JMY: variants seen among roughly 807,000 people sequenced by gnomAD.
JMY encodes the protein junction mediating and regulatory protein, p53 cofactor.
JMY carries 46 observed loss-of-function variants against 103.3 expected under a neutral mutation model. The ratio of observed to expected loss-of-function variants is 0.45; its 90% CI spans 0.35 to 0.57. JMY has a LOEUF of 0.57. Ranked by LOEUF, JMY falls within the 20% of genes least tolerant of loss-of-function variation. The pLI is 0.00. For missense variants in JMY, 1,238 were observed against 1,255.2 expected (o/e 0.99, Z 0.21); for synonymous variants, 526 against 489.3 (o/e 1.07, Z -0.99).
At chr5:79,305,872 A>G (rs1258926907) in intron 6 of JMY, among the ~76,000 whole-genome samples, 13 of 152,150 alleles carry the variant, frequency 8.5e-5, no homozygotes, top group Admixed American at 3.3e-4. Flanking sequence ...AAATACTTTC[A>G]TATTCTTTTT....
At chr5:79,280,501 G>T (rs927589216) in intron 2 of JMY, among the ~76,000 whole-genome samples, 2 of 152,098 alleles carry the variant, frequency 1.3e-5, no homozygotes, top group African/African-American at 4.8e-5. Context: ...AGTAAAAATG[G>T]TATTTCACTG....
At chr5:79,308,319 A>G (rs1209059497) in intron 7 of JMY, among the ~76,000 whole-genome samples, 2 of 152,058 alleles carry the variant, frequency 1.3e-5, no homozygotes, top group Non-Finnish European at 2.9e-5. Flanking sequence ...ATTTGCTCCT[A>G]TGTTATCTTT....
intron 1 of JMY, among the ~76,000 whole-genome samples, chr5:79,275,213 T>C (rs1233147402): frequency 6.7e-6 from 1 of 148,192 alleles, no homozygotes; most frequent in Admixed American, 7.0e-5. Flanking sequence ...CAGGCTGGAG[T>C]GCAGTGGCGC....
intron 2 of JMY, chr5:79,284,481 T>G (rs1039860115): frequency 1.9e-6 from 3 of 1,587,768 alleles, no homozygotes; most frequent in Admixed American, 3.3e-5. Context: ...TGTATCTGAT[T>G]GTTGCGTTTT....
At chr5:79,253,790 A>T (rs376402447) in intron 1 of JMY, among the ~76,000 whole-genome samples, 1 of 152,062 alleles carries the variant, frequency 6.6e-6, no homozygotes. Context: ...CAGTGCCCCC[A>T]TCTCAACCTC....
At chr5:79,296,093 A>G (rs1746555240) in intron 4 of JMY, among the ~76,000 whole-genome samples, 1 of 151,990 alleles carries the variant, frequency 6.6e-6, no homozygotes, top group Non-Finnish European at 1.5e-5. Flanking sequence ...GGGTTTTTTT[A>G]GATTTTAGAA....
chr5:79,296,954 G>A (rs538859755), intron 4 of JMY, among the ~76,000 whole-genome samples: 10 of 152,224 alleles, frequency 6.6e-5, no homozygotes, highest in Non-Finnish European at 1.5e-4. Context: ...TGTGGAGTCA[G>A]CAGGGTATGT....
rs554698660 is a variant in JMY, at chr5:79,284,060, T to A, written c.1206+5977T>A. The stretch of plus-strand genomic sequence containing the variant: ...AAGGTACAAATTACTTTCTTTTTTT[T>A]ATTTTTTTATTTTATTTTTATTTTT... On this transcript the variant is annotated intron_variant, in intron 2 of 10. Transcript: ENST00000396137. 1.9e-5 allele frequency: 19 copies of A among 1,020,770 alleles called. No individual in the cohort carries two copies. The East Asian group carries it at 2.5e-4, about 14-fold the overall frequency. The allele number at this position is 1,020,770 out of a possible 1,614,324, so 63.2% of individuals were successfully genotyped here. A position where few individuals can be genotyped will look rare whatever the true frequency, so the allele number is the denominator to read the frequency against.
At chr5:79,247,946 G>A (rs865838982) in intron 1 of JMY, among the ~76,000 whole-genome samples, 8 of 150,884 alleles carry the variant, frequency 5.3e-5, no homozygotes, top group South Asian at 2.1e-4. Flanking sequence ...AGGCTGGAGT[G>A]CAGTGGCAGA....
intron 2 of JMY, among the ~76,000 whole-genome samples, chr5:79,285,493 A>G (rs923569707): frequency 6.6e-6 from 1 of 151,964 alleles, no homozygotes; most frequent in African/African-American, 2.4e-5. Flanking sequence ...TAGTGCCACC[A>G]TTATACATTA....
At chr5:79,253,384 C>T (rs1745146980) in intron 1 of JMY, among the ~76,000 whole-genome samples, 1 of 152,040 alleles carries the variant, frequency 6.6e-6, no homozygotes, top group South Asian at 2.1e-4. Context: ...CCTCCGCCTC[C>T]TGGGTTCAAG....
At chr5:79,302,943 A>T (rs114157223) in intron 6 of JMY, among the ~76,000 whole-genome samples, 4,935 of 152,236 alleles carry the variant, frequency 0.032, 265 homozygotes, top group African/African-American at 0.11. Flanking sequence ...AAAAGTTAGT[A>T]GGATTTAGTG....
At chr5:79,318,761 T>G (rs1908367) in intron 10 of JMY, among the ~76,000 whole-genome samples, 2,726 of 52,648 alleles carry the variant, frequency 0.052, 58 homozygotes, top group East Asian at 0.11. Context: ...TATATATATA[T>G]AGAGAGAGAG....
intron 1 of JMY, among the ~76,000 whole-genome samples, chr5:79,274,212 T>C (rs1360494712): frequency 1.3e-5 from 2 of 152,312 alleles, no homozygotes; most frequent in East Asian, 3.9e-4. Context: ...TCTATACCCA[T>C]ACAGCGAATT....
At chr5:79,312,531 CTT>C (rs35852788) in intron 8 of JMY, 33 bp downstream of exon 8, 110,367 of 834,412 alleles carry the variant, frequency 0.13, 32 homozygotes, top group East Asian at 0.16. Flanking sequence ...TATTGTTTTT[CTT>C]TTTTTTTTTT....
intron 10 of JMY, among the ~76,000 whole-genome samples, chr5:79,318,761 TAGAGAGAGAGAGAGAG>T (rs3081332): frequency 2.8e-4 from 15 of 53,612 alleles, no homozygotes; most frequent in East Asian, 9.9e-4. Context: ...TATATATATA[TAGAGAGAGAGAGAGAG>T]AGAGAGAGAG....
At chr5:79,267,905 C>G (rs754474872) in intron 1 of JMY, among the ~76,000 whole-genome samples, 4 of 152,118 alleles carry the variant, frequency 2.6e-5, no homozygotes, top group Non-Finnish European at 4.4e-5. Flanking sequence ...TATTAATGAT[C>G]CATGATTTCT....
At chr5:79,267,566 C>T (rs1745620802) in intron 1 of JMY, among the ~76,000 whole-genome samples, 1 of 152,154 alleles carries the variant, frequency 6.6e-6, no homozygotes, top group African/African-American at 2.4e-5. Flanking sequence ...TAGTTCATTT[C>T]TTTTCCCTTT....
In JMY at chr5:79,278,007, CCGAACTCTATCAGT is replaced by C; in HGVS notation, c.1131_1144del (p.Glu378PhefsTer26). ...TACAGCAGCCTTGCAGAAGCTACAACCGAACTCTATCAGTATTTACTACAGCCATTCCGAGACAT... is the reference window on the plus strand; with the variant it reads ...TACAGCAGCCTTGCAGAAGCTACAACATTTACTACAGCCATTCCGAGACAT... On this transcript the variant is annotated frameshift_variant, in exon 2 of 11. Transcript: ENST00000396137. LOFTEE classifies it high-confidence loss of function. 6.2e-7 allele frequency: 1 copy of C among 1,614,034 alleles called. No individual in the cohort carries two copies. Among genetic ancestry groups the C allele is most frequent in the Non-Finnish European group, 8.5e-7 (1 of 1,179,962 alleles).
Sources: gnomAD v4.1 joint callset for allele counts (sites outside exome capture counted in the v4.1 genomes callset) on GRCh38, gnomAD v4.1.1 for gene constraint, MANE v1.5 for transcripts, NCBI Gene and HGNC (gene_info 2026-07-23, HGNC 2026-07-21) for gene names.